ARB2A: variants seen among roughly 807,000 people sequenced by gnomAD.
The protein encoded by ARB2A is ARB2 cotranscriptional regulator A.
At chr5:94,098,663 A>C in the ARB2A span, among the ~76,000 whole-genome samples, 1 of 152,164 alleles carries the variant, frequency 6.6e-6, no homozygotes, top group Non-Finnish European at 1.5e-5. Context: ...AAAACACAAA[A>C]AACCATTCAA....
At chr5:94,013,320 C>T in the ARB2A span, among the ~76,000 whole-genome samples, 6 of 151,556 alleles carry the variant, frequency 4.0e-5, no homozygotes, top group East Asian at 5.8e-4. Flanking sequence ...TGGGATTACA[C>T]GTGCCCGCCA....
chr5:93,994,224 T>C, the ARB2A span, among the ~76,000 whole-genome samples: 2 of 152,354 alleles, frequency 1.3e-5, no homozygotes, highest in African/African-American at 2.4e-5. Context: ...CCCATGCTCA[T>C]TCCAGCATTA....
At chr5:94,005,202 TTTG>T in the ARB2A span, among the ~76,000 whole-genome samples, 5 of 151,958 alleles carry the variant, frequency 3.3e-5, no homozygotes, top group Admixed American at 2.0e-4. Flanking sequence ...CCGTGTTTTT[TTTG>T]TTGTTGTTGT....
At chr5:94,053,078 T>C in the ARB2A span, 21 of 871,316 alleles carry the variant, frequency 2.4e-5, no homozygotes, top group Middle Eastern at 4.8e-4. Flanking sequence ...ATACTATAGA[T>C]AGATAGATAG....
the ARB2A span, among the ~76,000 whole-genome samples, chr5:93,928,283 T>G: frequency 6.6e-6 from 1 of 152,168 alleles, no homozygotes; most frequent in Admixed American, 6.5e-5. Flanking sequence ...TTTCATTAGT[T>G]TGATTGAAGT....
chr5:93,851,598 C>G, the ARB2A span, among the ~76,000 whole-genome samples: 1 of 152,170 alleles, frequency 6.6e-6, no homozygotes, highest in South Asian at 2.1e-4. Flanking sequence ...AGCTATCCCT[C>G]CCCGCTTCCG....
chr5:94,061,289 C>A, the ARB2A span, among the ~76,000 whole-genome samples: 1 of 152,110 alleles, frequency 6.6e-6, no homozygotes, highest in South Asian at 2.1e-4. Flanking sequence ...TCCCAGCAAG[C>A]ATCGAATAAA....
the ARB2A span, among the ~76,000 whole-genome samples, chr5:93,986,820 G>A: frequency 6.6e-6 from 1 of 152,074 alleles, no homozygotes; most frequent in African/African-American, 2.4e-5. Flanking sequence ...AAGGCAGCAT[G>A]CTAGTTAAGA....
the ARB2A span, among the ~76,000 whole-genome samples, chr5:93,707,992 AAG>A: frequency 6.6e-6 from 1 of 152,218 alleles, no homozygotes; most frequent in East Asian, 1.9e-4. Flanking sequence ...TTAAACGTGT[AAG>A]AGTTTCAGTA....
the ARB2A span, among the ~76,000 whole-genome samples, chr5:93,653,622 G>A: frequency 7.3e-6 from 1 of 136,910 alleles, no homozygotes; most frequent in South Asian, 2.5e-4. Flanking sequence ...CTGCTCATAA[G>A]AAGCCTGCTT....
the ARB2A span, among the ~76,000 whole-genome samples, chr5:93,944,701 A>G: frequency 1.3e-5 from 2 of 152,040 alleles, no homozygotes; most frequent in Admixed American, 1.3e-4. Context: ...ACAAAAGAAC[A>G]AAAGACAGAA....
chr5:93,617,795 G>C, the ARB2A span, among the ~76,000 whole-genome samples: 1 of 152,072 alleles, frequency 6.6e-6, no homozygotes, highest in Admixed American at 6.6e-5. Flanking sequence ...TAATTGATAG[G>C]TTGTTCAGAT....
the ARB2A span, among the ~76,000 whole-genome samples, chr5:93,893,778 T>G: frequency 6.6e-6 from 1 of 152,202 alleles, no homozygotes; most frequent in Non-Finnish European, 1.5e-5. Flanking sequence ...GGTGGCTGTA[T>G]AAAATTATTT....
At chr5:93,624,309 T>TTCC in the ARB2A span, among the ~76,000 whole-genome samples, 2 of 152,224 alleles carry the variant, frequency 1.3e-5, no homozygotes, top group African/African-American at 4.8e-5. Context: ...AACATGGTTT[T>TTCC]ATGGTTAAGG....
At chr5:93,856,756 T>A in the ARB2A span, among the ~76,000 whole-genome samples, 1 of 152,090 alleles carries the variant, frequency 6.6e-6, no homozygotes, top group Non-Finnish European at 1.5e-5. Context: ...AGTAGTTTGA[T>A]CATCTGAAGC....
the ARB2A span, among the ~76,000 whole-genome samples, chr5:93,951,906 G>A: frequency 6.6e-6 from 1 of 152,160 alleles, no homozygotes; most frequent in African/African-American, 2.4e-5. Context: ...AAATATAAGA[G>A]ATAACTTACA....
At chr5:93,875,188 C>T in the ARB2A span, among the ~76,000 whole-genome samples, 2 of 152,006 alleles carry the variant, frequency 1.3e-5, no homozygotes, top group African/African-American at 4.8e-5. Context: ...CTTGAGGTCA[C>T]ACTATATTAA....
chr5:93,678,079 CA>C, the ARB2A span, among the ~76,000 whole-genome samples: 2 of 151,932 alleles, frequency 1.3e-5, no homozygotes, highest in African/African-American at 4.8e-5. Context: ...TCCCATTATG[CA>C]AAAAAAGCAG....
At chr5:94,066,588 G>A in the ARB2A span, among the ~76,000 whole-genome samples, 1 of 151,986 alleles carries the variant, frequency 6.6e-6, no homozygotes, top group Non-Finnish European at 1.5e-5. Context: ...AAACCTACAG[G>A]AAGTGAATAA....
Sources: gnomAD v4.1 joint callset for allele counts (sites outside exome capture counted in the v4.1 genomes callset) on GRCh38, gnomAD v4.1.1 for gene constraint, MANE v1.5 for transcripts, NCBI Gene and HGNC (gene_info 2026-07-23, HGNC 2026-07-21) for gene names.